The following NRXN1 variants were observed in gnomAD, a reference collection of about 807,000 sequenced individuals.
NRXN1 encodes the protein neurexin 1, also known as neurexin-1.
A neutral mutation model predicts 150.9 loss-of-function variants in NRXN1; 39 were observed. That is an observed-to-expected ratio of 0.26 (90% CI 0.20 to 0.34). NRXN1 has a LOEUF of 0.34. NRXN1 is among the 10% of genes least tolerant of loss of function. The pLI, the probability that NRXN1 is intolerant of heterozygous loss-of-function variation, is 1.00. For missense variants in NRXN1, 1,815 were observed against 1,949.9 expected, an observed-to-expected ratio of 0.93 and a Z score of 1.30; for synonymous variants, 924 against 757.0, an observed-to-expected ratio of 1.22 and a Z score of -3.62.
intron 17 of NRXN1, among the ~76,000 whole-genome samples, chr2:50,348,043 C>G (rs1399179929): frequency 6.6e-6 from 1 of 152,170 alleles, no homozygotes; most frequent in African/African-American, 2.4e-5. Context: ...CTTCCCCTAC[C>G]CAATGGTTTA....
intron 18 of NRXN1, among the ~76,000 whole-genome samples, chr2:50,106,435 A>G (rs73932938): frequency 0.037 from 5,599 of 152,120 alleles, 352 homozygotes; most frequent in African/African-American, 0.13. Flanking sequence ...TGAACAAAAG[A>G]GAGAAGAATA....
intron 21 of NRXN1, among the ~76,000 whole-genome samples, chr2:50,003,363 T>G (rs1684254421): frequency 6.6e-6 from 1 of 152,158 alleles, no homozygotes. Context: ...CTATTTGTAA[T>G]GCCAAACACA....
chr2:50,091,693 T>A (rs1035855798), intron 18 of NRXN1, among the ~76,000 whole-genome samples, 199 bp from the exon 19 acceptor site: 2 of 152,216 alleles, frequency 1.3e-5, no homozygotes, highest in African/African-American at 4.8e-5. Context: ...TCATGGATAA[T>A]TGATATTCCA....
intron 21 of NRXN1, among the ~76,000 whole-genome samples, chr2:49,983,736 C>T (rs1333094260): frequency 2.0e-5 from 3 of 152,032 alleles, no homozygotes; most frequent in African/African-American, 7.2e-5. Context: ...GTACATGGCC[C>T]CACTGTAGAT....
intron 17 of NRXN1, among the ~76,000 whole-genome samples, chr2:50,328,451 C>A (rs934657294): frequency 3.3e-5 from 5 of 152,040 alleles, no homozygotes; most frequent in Non-Finnish European, 5.9e-5. Context: ...GAATTGGAAA[C>A]TTCGGTTGGG....
At chr2:51,001,255 A>G (rs1318677056) in intron 2 of NRXN1, among the ~76,000 whole-genome samples, 1 of 143,896 alleles carries the variant, frequency 6.9e-6, no homozygotes, top group African/African-American at 2.5e-5. Flanking sequence ...GGCGTTTGTC[A>G]GGGGAGGACA....
At chr2:50,388,305 T>A (rs1447956896) in intron 17 of NRXN1, among the ~76,000 whole-genome samples, 1 of 152,166 alleles carries the variant, frequency 6.6e-6, no homozygotes, top group Non-Finnish European at 1.5e-5. Flanking sequence ...ATAAATATAA[T>A]GTACCTACAT....
intron 17 of NRXN1, among the ~76,000 whole-genome samples, chr2:50,325,953 A>G (rs1039128368): frequency 6.6e-6 from 1 of 152,228 alleles, no homozygotes; most frequent in Admixed American, 6.5e-5. Flanking sequence ...AAAGAAAACA[A>G]GGAAAAACCT....
At chr2:50,621,131 G>A in intron 7 of NRXN1, 95 bp downstream of exon 7, 1 of 1,084,778 alleles carries the variant, frequency 9.2e-7, no homozygotes, top group Non-Finnish European at 1.3e-6. Flanking sequence ...TTTTGTTAAT[G>A]ATGTCTACAG....
At chr2:50,873,631 A>C (rs1033334040) in intron 5 of NRXN1, among the ~76,000 whole-genome samples, 6 of 151,802 alleles carry the variant, frequency 4.0e-5, no homozygotes, top group African/African-American at 1.5e-4. Flanking sequence ...GAAAAAATTG[A>C]CTTTTTAGAA....
At chr2:50,569,369 G>A (rs982445203) in intron 8 of NRXN1, among the ~76,000 whole-genome samples, 4 of 151,910 alleles carry the variant, frequency 2.6e-5, no homozygotes, top group African/African-American at 9.7e-5. Flanking sequence ...GTGATCATTA[G>A]GCATTGCATA....
intron 21 of NRXN1, among the ~76,000 whole-genome samples, chr2:50,030,134 T>C (rs1688976323): frequency 6.6e-6 from 1 of 152,198 alleles, no homozygotes; most frequent in African/African-American, 2.4e-5. Flanking sequence ...ACATTCAAGA[T>C]AGACTTAATA....
At chr2:50,412,482 T>C (rs954918618) in intron 17 of NRXN1, among the ~76,000 whole-genome samples, 1 of 152,110 alleles carries the variant, frequency 6.6e-6, no homozygotes, top group Non-Finnish European at 1.5e-5. Flanking sequence ...TCTTAGTTTA[T>C]TGCCTTCATT....
intron 8 of NRXN1, chr2:50,588,953 A>G (rs191860269): frequency 1.3e-5 from 2 of 152,318 alleles, no homozygotes; most frequent in East Asian, 1.9e-4. Context: ...AATTGATTTC[A>G]TAGCTCAGAC....
At chr2:50,578,003 T>G (rs531087012) in intron 8 of NRXN1, among the ~76,000 whole-genome samples, 14 of 152,208 alleles carry the variant, frequency 9.2e-5, no homozygotes, top group African/African-American at 3.4e-4. Flanking sequence ...CTAGGAAAAT[T>G]GACATTCAGA....
rs1324074154 is a variant in NRXN1 at position 50,368,396 on chromosome 2, T to C, written c.3364+97046A>G. 2.0e-5 allele frequency among the ~76,000 whole-genome samples: 3 copies of C among 152,028 alleles called. 1 individual carries two copies. Among genetic ancestry groups the C allele is most frequent in the East Asian group, 3.9e-4 (2 of 5,186 alleles). On this transcript the variant is annotated intron_variant, in intron 17 of 22. Transcript: ENST00000401669. ...GTATGAGGAAGACCTAATTCTATAG[T>C]TGTTATTACAAAAAACCTGGGGATT...
intron 17 of NRXN1, among the ~76,000 whole-genome samples, chr2:50,453,710 G>A (rs2087231464): frequency 6.6e-6 from 1 of 152,060 alleles, no homozygotes; most frequent in South Asian, 2.1e-4. Flanking sequence ...ATGGACATTT[G>A]GGTCTCCTGT....
chr2:50,008,187 A>G (rs1685080817), intron 21 of NRXN1, among the ~76,000 whole-genome samples: 1 of 152,146 alleles, frequency 6.6e-6, no homozygotes, highest in African/African-American at 2.4e-5. Flanking sequence ...AATAGCATTG[A>G]TACATGGTTT....
At chr2:50,829,365 T>G in intron 5 of NRXN1, 1 of 914,208 alleles carries the variant, frequency 1.1e-6, no homozygotes, top group Admixed American at 2.2e-5. Flanking sequence ...CAAACTCAGG[T>G]GATCCGCCCG....
Sources: allele counts gnomAD v4.1 joint callset (sites outside exome capture counted in the v4.1 genomes callset), GRCh38; gene constraint gnomAD v4.1.1; transcripts MANE v1.5; gene names NCBI Gene and HGNC (gene_info 2026-07-23, HGNC 2026-07-21).